Variants in ERC1 observed in about 807,000 individuals in gnomAD.
ERC1 encodes the protein ELKS/RAB6-interacting/CAST family member 1.
ERC1 carries 56 observed loss-of-function variants against 132.0 expected under a neutral mutation model. The ratio of observed to expected loss-of-function variants is 0.42; its 90% CI spans 0.34 to 0.53. The LOEUF (loss-of-function observed/expected upper bound fraction) is 0.53. ERC1 is among the 20% of genes least tolerant of loss of function. ERC1 has a pLI of 0.03. For synonymous variants in ERC1, 478 were observed against 476.1 expected, an observed-to-expected ratio of 1.00 and a Z score of -0.05; for missense variants, 1,202 against 1,349.9, an observed-to-expected ratio of 0.89 and a Z score of 1.72.
In ERC1 at chr12:1,020,060, G is replaced by C. The variant is rs1266286952; in HGVS notation, c.-156-7688G>C. 2.6e-5 allele frequency among the ~76,000 whole-genome samples: 4 copies of C among 152,104 alleles called. No individual in the cohort carries two copies. The East Asian group carries it at 5.8e-4, about 22-fold the overall frequency. Reference sequence around the variant, plus strand: ...TGGGCCACTGTGTCAGGCCAAGAAGGACATTTCATATTGTGATCCAATATG... The same window carrying C: ...TGGGCCACTGTGTCAGGCCAAGAAGCACATTTCATATTGTGATCCAATATG... On this transcript the variant is annotated intron_variant, in intron 1 of 18. Coordinates refer to ENST00000360905, the MANE Select transcript of ERC1 (RefSeq NM_178040.4).
At chr12:1,481,698 C>G (rs1416674138) in intron 18 of ERC1, among the ~76,000 whole-genome samples, 8 of 152,202 alleles carry the variant, frequency 5.3e-5, no homozygotes, top group Admixed American at 5.2e-4. Flanking sequence ...GTGATTCCCT[C>G]TATTTTTAAA....
In ERC1 at chr12:1,110,210, A is replaced by G; in HGVS notation, c.1180A>G (p.Met394Val). The change falls in exon 5 of 19, where the codon ATG (methionine) becomes GTG (valine). Residue 394 changes from methionine (M) to valine (V), a missense_variant. Transcript: ENST00000360905. ...TCTTCAGGATTCAAAAATTTCCTCTATGGAGCGTGGGCTTCGAGACCTGGA... is the reference window on the plus strand; with the variant it reads ...TCTTCAGGATTCAAAAATTTCCTCTGTGGAGCGTGGGCTTCGAGACCTGGA... The part of the protein sequence containing the change: ...IEMKDSKISS[M>V]ERGLRDLEEE... 1.2e-6 allele frequency: 2 copies of G among 1,611,818 alleles called. No homozygotes were observed. The highest frequency in any genetic ancestry group is 1.1e-5 in the South Asian group (1 of 90,458).
Position 1,495,914 on chromosome 12 carries a change from TAA to T in ERC1, c.*5686_*5687del, listed in dbSNP as rs1266593182. The T allele has an allele frequency of 5.5e-6, 1 of 182,120 alleles. No individual in the cohort carries two copies. Among genetic ancestry groups the T allele is most frequent in the Admixed American group, 6.3e-5 (1 of 15,988 alleles). The allele number at this position is 182,120 out of a possible 1,614,324, so 11.3% of individuals were successfully genotyped here. A position where few individuals can be genotyped will look rare whatever the true frequency, so the allele number is the denominator to read the frequency against. On this transcript the variant is annotated 3_prime_UTR_variant, in exon 19 of 19. Transcript: ENST00000360905. ...ACAAACTAAATCCACCAGGAAATTA[TAA>T]AGTTATTTAAAAACCGTGCTGTGTC...
At chr12:1,243,006 T>C (rs2154307519) in intron 13 of ERC1, among the ~76,000 whole-genome samples, 1 of 151,396 alleles carries the variant, frequency 6.6e-6, no homozygotes, top group East Asian at 1.9e-4. Flanking sequence ...GCTAACAAGG[T>C]GAAACCCCGT....
At chr12:1,480,774 A>C (rs772158108) in intron 18 of ERC1, 9 of 700,620 alleles carry the variant, frequency 1.3e-5, no homozygotes, top group South Asian at 8.9e-5. Flanking sequence ...GAGAGCAAGA[A>C]TATCTCGAGT....
At chr12:1,010,340 G>T (rs1357279879) in intron 1 of ERC1, among the ~76,000 whole-genome samples, 1 of 151,714 alleles carries the variant, frequency 6.6e-6, no homozygotes, top group Non-Finnish European at 1.5e-5. Flanking sequence ...AATTAGCTGG[G>T]CGTGGTGGCG....
intron 3 of ERC1, among the ~76,000 whole-genome samples, chr12:1,102,931 T>C (rs1944838010): frequency 2.6e-5 from 4 of 152,210 alleles, no homozygotes. Flanking sequence ...AAGAACTGCA[T>C]GATGAATCTC....
intron 14 of ERC1, among the ~76,000 whole-genome samples, chr12:1,263,809 C>A (rs1448164318): frequency 6.6e-6 from 1 of 152,084 alleles, no homozygotes; most frequent in Non-Finnish European, 1.5e-5. Context: ...CCTGCCTCAA[C>A]CTCCCGAGTA....
At chr12:1,035,296 C>T (rs1968849830) in intron 2 of ERC1, among the ~76,000 whole-genome samples, 1 of 152,148 alleles carries the variant, frequency 6.6e-6, no homozygotes, top group Non-Finnish European at 1.5e-5. Context: ...TAGGTCCATT[C>T]TAAATATTGG....
chr12:1,283,381 C>T (rs2078819824), intron 14 of ERC1, among the ~76,000 whole-genome samples: 1 of 152,204 alleles, frequency 6.6e-6, no homozygotes, highest in Non-Finnish European at 1.5e-5. Flanking sequence ...TTTTCTTCTA[C>T]TCATCGGTCT....
chr12:1,281,478 A>C (rs558521786), intron 14 of ERC1, among the ~76,000 whole-genome samples: 3 of 152,336 alleles, frequency 2.0e-5, no homozygotes, highest in South Asian at 2.1e-4. Context: ...TCTCAGACCC[A>C]GATGCAGAAG....
chr12:1,435,311 G>A (rs1179184284), intron 17 of ERC1, among the ~76,000 whole-genome samples: 2 of 152,152 alleles, frequency 1.3e-5, no homozygotes, highest in Non-Finnish European at 2.9e-5. Flanking sequence ...CCGTGGGCAG[G>A]TCAGAAGGAG....
intron 18 of ERC1, among the ~76,000 whole-genome samples, chr12:1,478,181 G>A (rs967481023): frequency 2.6e-5 from 4 of 152,114 alleles, no homozygotes; most frequent in Non-Finnish European, 5.9e-5. Flanking sequence ...TGTAGGAGAG[G>A]CCAAGTGGTT....
intron 8 of ERC1, among the ~76,000 whole-genome samples, chr12:1,146,307 G>GTTTTTTTTTT (rs1346178811): frequency 5.1e-5 from 3 of 59,370 alleles, no homozygotes; most frequent in African/African-American, 1.2e-4. Context: ...GTATTTTACT[G>GTTTTTTTTTT]GTTTTTTTTT....
chr12:1,474,668 GC>G (rs2093935034), intron 18 of ERC1, among the ~76,000 whole-genome samples: 1 of 152,102 alleles, frequency 6.6e-6, no homozygotes, highest in African/African-American at 2.4e-5. Flanking sequence ...TCTCCATTCA[GC>G]CCCCTCGCAT....
intron 15 of ERC1, among the ~76,000 whole-genome samples, chr12:1,363,543 C>CTTTTT (rs34769986): frequency 1.3e-3 from 124 of 94,340 alleles, no homozygotes; most frequent in Non-Finnish European, 2.0e-3. Flanking sequence ...TATTTCTTTC[C>CTTTTT]TTTTTTTTTT....
chr12:1,207,380 T>G (rs1957440008), intron 12 of ERC1, among the ~76,000 whole-genome samples: 1 of 152,226 alleles, frequency 6.6e-6, no homozygotes, highest in South Asian at 2.1e-4. Context: ...GGAGTTTGAC[T>G]TATGGGCAAG....
At chr12:1,467,387 G>A (rs2093764740) in intron 18 of ERC1, among the ~76,000 whole-genome samples, 1 of 152,150 alleles carries the variant, frequency 6.6e-6, no homozygotes, top group Non-Finnish European at 1.5e-5. Flanking sequence ...GATACAAACA[G>A]GAAGAGACTG....
intron 6 of ERC1, 60 bp downstream of exon 6, chr12:1,112,358 C>T (rs1945982552): frequency 8.1e-7 from 1 of 1,234,484 alleles, no homozygotes; most frequent in African/African-American, 1.5e-5. Flanking sequence ...ACCCTGCTAG[C>T]TCTATGGCTT....
Sources: allele counts gnomAD v4.1 joint callset (sites outside exome capture counted in the v4.1 genomes callset), GRCh38; gene constraint gnomAD v4.1.1; transcripts MANE v1.5; gene names NCBI Gene and HGNC (gene_info 2026-07-23, HGNC 2026-07-21).